PALM2AKAP2: variants seen among roughly 807,000 people sequenced by gnomAD.
PALM2AKAP2 encodes PALM2 and AKAP2 fusion, also known as PALM2-AKAP2 fusion protein.
A neutral mutation model predicts 71.5 loss-of-function variants in PALM2AKAP2; 37 were observed. The ratio of observed to expected loss-of-function variants is 0.52; its 90% CI spans 0.40 to 0.68. PALM2AKAP2 has a LOEUF of 0.68. Ranked by LOEUF, PALM2AKAP2 falls within the 30% of genes least tolerant of loss-of-function variation. The pLI, the probability that PALM2AKAP2 is intolerant of heterozygous loss-of-function variation, is 0.00. For synonymous variants in PALM2AKAP2, 468 were observed against 478.8 expected, an observed-to-expected ratio of 0.98 and a Z score of 0.29; for missense variants, 1,224 against 1,191.8, an observed-to-expected ratio of 1.03 and a Z score of -0.40.
intron 1 of PALM2AKAP2, among the ~76,000 whole-genome samples, chr9:109,698,579 G>A (rs1436600267): frequency 1.3e-5 from 2 of 151,974 alleles, no homozygotes; most frequent in African/African-American, 4.8e-5. Flanking sequence ...ACACCCAGCC[G>A]GGTTGCTAAT....
intron 1 of PALM2AKAP2, among the ~76,000 whole-genome samples, chr9:109,692,473 A>G (rs1363428487): frequency 3.9e-5 from 6 of 152,130 alleles, no homozygotes; most frequent in Admixed American, 6.5e-5. Context: ...TTCCATTAAA[A>G]TGGTGAATGG....
intron 1 of PALM2AKAP2, among the ~76,000 whole-genome samples, chr9:109,746,156 AC>A (rs1175506095): frequency 4.6e-5 from 7 of 152,200 alleles, no homozygotes; most frequent in Non-Finnish European, 8.8e-5. Context: ...CAAGAGAATG[AC>A]AACCACTTAG....
Position 109,932,033 on chromosome 9 carries a change from G to A in PALM2AKAP2, c.496+5G>A. ...ACGGGACCAGCAGAGCGGCTGGTAA[G>A]TCCTGGGGACCTTTGGACGCTAGGA... On this transcript the variant is annotated splice_donor_5th_base_variant and intron_variant, in intron 6 of 9. Transcript: ENST00000302798. The A allele has an allele frequency of 6.2e-7, 1 of 1,611,082 alleles. No homozygotes were observed. The highest frequency in any genetic ancestry group is 8.5e-7 in the Non-Finnish European group (1 of 1,178,158).
chr9:109,853,675 C>G (rs1829080062), intron 1 of PALM2AKAP2, among the ~76,000 whole-genome samples: 1 of 152,152 alleles, frequency 6.6e-6, no homozygotes, highest in Admixed American at 6.5e-5. Context: ...TTGTTCAAAT[C>G]GCATATAAAC....
At chr9:109,850,410 G>A (rs182389278) in intron 1 of PALM2AKAP2, among the ~76,000 whole-genome samples, 166 of 152,080 alleles carry the variant, frequency 1.1e-3, no homozygotes, top group South Asian at 5.4e-3. Context: ...TCTTGGTGGT[G>A]TTTTCTGTGG....
intron 1 of PALM2AKAP2, among the ~76,000 whole-genome samples, chr9:109,643,453 T>A (rs754702402): frequency 1.4e-4 from 21 of 152,228 alleles, no homozygotes; most frequent in South Asian, 2.1e-4. Flanking sequence ...AGCACTTGGG[T>A]GCTCAATAAC....
At chr9:109,851,620 A>G (rs1474267115) in intron 1 of PALM2AKAP2, among the ~76,000 whole-genome samples, 1 of 152,142 alleles carries the variant, frequency 6.6e-6, no homozygotes, top group Non-Finnish European at 1.5e-5. Flanking sequence ...TTGATGCATG[A>G]TAAAGACCAA....
chr9:109,803,160 C>G (rs188239589), intron 1 of PALM2AKAP2, among the ~76,000 whole-genome samples: 293 of 152,238 alleles, frequency 1.9e-3, no homozygotes, highest in African/African-American at 6.8e-3. Context: ...AGATGCATTG[C>G]TATTTCAGTA....
intron 1 of PALM2AKAP2, among the ~76,000 whole-genome samples, chr9:109,862,214 A>G (rs959098566): frequency 2.0e-5 from 3 of 152,242 alleles, no homozygotes; most frequent in Admixed American, 1.3e-4. Flanking sequence ...TGTATTTGTC[A>G]GTACTCTTTG....
rs182612338 is a variant in PALM2AKAP2 at position 110,013,627 on chromosome 9, T to C, written c.497-2327T>C. Among the ~76,000 whole-genome samples, 57 of 152,304 alleles carry C rather than the reference T, an allele frequency of 3.7e-4. 1 individual carries two copies. The highest frequency in any genetic ancestry group is 1.3e-3 in the African/African-American group (55 of 41,568). ...CTCTGACCCAATTCCTGCAACCTAGTCAGAGAGGACAACTATTTGCACCAT... is the reference window on the plus strand; with the variant it reads ...CTCTGACCCAATTCCTGCAACCTAGCCAGAGAGGACAACTATTTGCACCAT... On this transcript the variant is annotated intron_variant, in intron 6 of 9. Coordinates refer to the PALM2AKAP2 transcript ENST00000302798.
At chr9:109,967,646 G>T (rs571649354) in intron 6 of PALM2AKAP2, among the ~76,000 whole-genome samples, 20 of 152,318 alleles carry the variant, frequency 1.3e-4, no homozygotes, top group Admixed American at 1.2e-3. Flanking sequence ...CTGAATTCAG[G>T]TGATCTGCCC....
chr9:110,024,584 GA>G (rs2132384777), intron 7 of PALM2AKAP2, among the ~76,000 whole-genome samples: 1 of 152,250 alleles, frequency 6.6e-6, no homozygotes, highest in African/African-American at 2.4e-5. Flanking sequence ...AGGAGTTGGA[GA>G]CCAGCCTGGA....
At chr9:109,744,565 A>G (rs1828770556) in intron 1 of PALM2AKAP2, among the ~76,000 whole-genome samples, 1 of 152,184 alleles carries the variant, frequency 6.6e-6, no homozygotes, top group African/African-American at 2.4e-5. Flanking sequence ...AAATGTTTGG[A>G]GGACTAGAGG....
At chr9:110,048,450 C>G (rs942834922), upstream of PALM2AKAP2, 3 of 505,806 alleles carry the variant, frequency 5.9e-6, no homozygotes, top group East Asian at 1.2e-4. Flanking sequence ...TTGCCCGCCC[C>G]ATCCATCCCT....
chr9:109,851,216 A>C (rs146611091), intron 1 of PALM2AKAP2, among the ~76,000 whole-genome samples: 96,566 of 145,848 alleles, frequency 0.66, 32,051 homozygotes, highest in Admixed American at 0.74. Context: ...CAACAAAAAA[A>C]AAAAAACACT....
chr9:109,772,939 A>G (rs892203531), intron 1 of PALM2AKAP2, among the ~76,000 whole-genome samples: 2 of 152,140 alleles, frequency 1.3e-5, no homozygotes, highest in African/African-American at 4.8e-5. Flanking sequence ...TAACACGGTG[A>G]AACCCCATCT....
intron 1 of PALM2AKAP2, among the ~76,000 whole-genome samples, chr9:109,740,473 T>A (rs2118683237): frequency 6.6e-6 from 1 of 152,060 alleles, no homozygotes; most frequent in Middle Eastern, 3.4e-3. Context: ...CCATTTGGGG[T>A]AACAATTTCC....
At chr9:109,691,094 G>A (rs10759358) in intron 1 of PALM2AKAP2, among the ~76,000 whole-genome samples, 112,656 of 151,804 alleles carry the variant, frequency 0.74, 42,644 homozygotes, top group African/African-American at 0.89. Context: ...AAACATAATC[G>A]CAGTATAAGA....
intron 6 of PALM2AKAP2, among the ~76,000 whole-genome samples, chr9:110,002,981 A>G (rs140549884): frequency 0.027 from 4,150 of 151,926 alleles, 67 homozygotes; most frequent in South Asian, 0.058. Flanking sequence ...TCAAAAAACC[A>G]CCTCCCGGAT....
Sources: allele counts gnomAD v4.1 joint callset (sites outside exome capture counted in the v4.1 genomes callset), GRCh38; gene constraint gnomAD v4.1.1; transcripts MANE v1.5; gene names NCBI Gene and HGNC (gene_info 2026-07-23, HGNC 2026-07-21).